NUDT5: variants seen among roughly 807,000 people sequenced by gnomAD.
NUDT5 encodes nudix hydrolase 5.
A neutral mutation model predicts 34.1 loss-of-function variants in NUDT5; 21 were observed. The ratio of observed to expected loss-of-function variants is 0.62; its 90% confidence interval spans 0.44 to 0.89. NUDT5 has a LOEUF of 0.89. NUDT5 is among the 40% of genes least tolerant of loss of function. The probability of loss-of-function intolerance (pLI) is 0.00; values close to 1 mark genes in which losing one functional copy is unlikely to be tolerated. For synonymous variants in NUDT5, 85 were observed against 97.6 expected (o/e 0.87, Z 0.76); for missense variants, 249 against 274.8 (o/e 0.91, Z 0.66).
intron 4 of NUDT5, among the ~76,000 whole-genome samples, chr10:12,178,353 G>A (rs1834989683): frequency 7.0e-6 from 1 of 143,852 alleles, no homozygotes; most frequent in African/African-American, 2.5e-5. Flanking sequence ...CAGTTTTAGG[G>A]TAAAAGACCT....
rs1283838031 is a variant in NUDT5, at chr10:12,175,729, T to TA, written c.290-1917dup. On this transcript the variant is annotated intron_variant, in intron 5 of 9. Coordinates refer to ENST00000491614, the MANE Select transcript of NUDT5 (RefSeq NM_014142.4). The surrounding 1 kb of genome is among the most constrained non-coding windows in gnomAD (Gnocchi z 4.8). ...GGGCAGATCACTTGAGCCAAGGAGT[T>TA]AGAGATCAGCCTGGGCAACATGGCA... 6.6e-6 allele frequency among the ~76,000 whole-genome samples: 1 copy of TA among 151,940 alleles called. No homozygotes were observed. The highest frequency in any genetic ancestry group is 3.4e-3 in the Middle Eastern group (1 of 294).
At chr10:12,194,666 C>T (rs529413654) in intron 1 of NUDT5, among the ~76,000 whole-genome samples, 3 of 152,346 alleles carry the variant, frequency 2.0e-5, no homozygotes, top group African/African-American at 7.2e-5. Context: ...GGAAGAGTTT[C>T]TAACTCAAAA....
chr10:12,172,147 C>T (rs1395091676), intron 7 of NUDT5, among the ~76,000 whole-genome samples: 1 of 152,162 alleles, frequency 6.6e-6, no homozygotes, highest in Non-Finnish European at 1.5e-5. Context: ...ATAAATACCC[C>T]CTTTAAAAGG....
intron 3 of NUDT5, among the ~76,000 whole-genome samples, chr10:12,180,187 A>AAAAAC (rs1835022036): frequency 6.6e-6 from 1 of 152,206 alleles, no homozygotes; most frequent in Non-Finnish European, 1.5e-5. Context: ...TTGCTTTTTA[A>AAAAAC]AAAACAAAAC....
rs1039559664 is a variant in NUDT5, at chr10:12,175,334, A to C, written c.290-1521T>G. Among the ~76,000 whole-genome samples, 8 of 151,634 alleles carry C rather than the reference A, an allele frequency of 5.3e-5. No individual in the cohort carries two copies. The East Asian group carries it at 1.6e-3, about 29-fold the overall frequency. On this transcript the variant is annotated intron_variant, in intron 5 of 9. Transcript: ENST00000491614. This position sits in a 1 kb window ranked among gnomAD's most constrained non-coding sequence, Gnocchi z 4.8. The stretch of plus-strand genomic sequence containing the variant: ...AAACTGCATCTCAAAAAATAAATAA[A>C]TAAAATAAAATAAAATAATGAAAAA...
At chr10:12,194,235 G>T (rs1217276999) in intron 1 of NUDT5, among the ~76,000 whole-genome samples, 1 of 152,196 alleles carries the variant, frequency 6.6e-6, no homozygotes, top group Non-Finnish European at 1.5e-5. Flanking sequence ...CTATGTTCCC[G>T]GGATCTATTC....
intron 1 of NUDT5, among the ~76,000 whole-genome samples, chr10:12,192,944 G>GT (rs58890547): frequency 0.34 from 50,731 of 151,188 alleles, 8,554 homozygotes; most frequent in Non-Finnish European, 0.36. Context: ...TCACTTATGG[G>GT]TTTTTTTTTC....
chr10:12,184,911 T>C lies in NUDT5; in HGVS notation c.109A>G (p.Met37Val), dbSNP rs116493013. ...KWVKLEKTTYMDPTGKTRTWE... is the reference protein window; with the variant it reads ...KWVKLEKTTYVDPTGKTRTWE... ...TACCTAGTTTTACCAGTAGGATCCATGTACGTTGTTTTTTCAAGCTTGACC... is the reference window on the plus strand; with the variant it reads ...TACCTAGTTTTACCAGTAGGATCCACGTACGTTGTTTTTTCAAGCTTGACC... The change falls in exon 3 of 10, where the codon ATG becomes GTG. Residue 37 changes from methionine (M) to valine (V), a missense_variant. Coordinates refer to ENST00000491614, the MANE Select transcript of NUDT5 (RefSeq NM_014142.4). 5.3e-5 allele frequency: 85 copies of C among 1,595,710 alleles called. No homozygotes were observed. The Middle Eastern group carries it at 8.3e-4, about 16-fold the overall frequency.
At chr10:12,186,444 G>T in intron 1 of NUDT5, 112 bp from the exon 2 acceptor site, 1 of 641,846 alleles carries the variant, frequency 1.6e-6, no homozygotes, top group Non-Finnish European at 2.8e-6. Flanking sequence ...TACCATCAAC[G>T]CTGCCTGTCT....
At chr10:12,184,819 T>C (rs891656794) in intron 3 of NUDT5, 70 bp downstream of exon 3, 7 of 880,810 alleles carry the variant, frequency 7.9e-6, no homozygotes, top group Non-Finnish European at 1.1e-5. Context: ...TCAAAGTTTA[T>C]GCAAAACACT....
intron 5 of NUDT5, among the ~76,000 whole-genome samples, chr10:12,176,640 A>G (rs1012074414): frequency 6.6e-6 from 1 of 152,146 alleles, no homozygotes; most frequent in Non-Finnish European, 1.5e-5. Context: ...CTAATAACAA[A>G]TAGATGAGAT....
intron 1 of NUDT5, among the ~76,000 whole-genome samples, chr10:12,194,688 TTGTTTATTATTC>T (rs1835299110): frequency 6.6e-6 from 1 of 152,208 alleles, no homozygotes; most frequent in Non-Finnish European, 1.5e-5. Flanking sequence ...ACGCAGATAA[TTGTTTATTATTC>T]TAAGGAACAC....
At chr10:12,188,728 T>TAAAAA (rs1230471724) in intron 1 of NUDT5, among the ~76,000 whole-genome samples, 3 of 74,690 alleles carry the variant, frequency 4.0e-5, no homozygotes, top group Non-Finnish European at 7.0e-5. Context: ...AGACTCCATC[T>TAAAAA]AAAAAAAAAA....
chr10:12,182,191 G>A lies in NUDT5; in HGVS notation c.131+2698C>T, dbSNP rs1835053926. 6.6e-6 allele frequency among the ~76,000 whole-genome samples: 1 copy of A among 152,038 alleles called. No homozygotes were observed. The highest frequency in any genetic ancestry group is 2.4e-5 in the African/African-American group (1 of 41,402). On this transcript the variant is annotated intron_variant, in intron 3 of 9. Coordinates refer to ENST00000491614, the MANE Select transcript of NUDT5 (RefSeq NM_014142.4). The surrounding 1 kb of genome is among the most constrained non-coding windows in gnomAD (Gnocchi z 4.3). ...TGAAGGGGAGGGTTCCTTTTCCCCT[G>A]GGGGGACACTGAATGTCTGTGTTGT...
intron 5 of NUDT5, 27 bp downstream of exon 5, chr10:12,177,766 G>T (rs766044955): frequency 1.3e-6 from 2 of 1,521,438 alleles, no homozygotes; most frequent in Non-Finnish European, 1.8e-6. Context: ...ACATCCCTAA[G>T]AAGCAATTCG....
chr10:12,171,001 A>G lies in NUDT5; in HGVS notation c.488-93T>C. ...AAGAGGCGTCAAAAAGGCTTTGAGA[A>G]TTTCACAGAAGCCTGGGTTTCTGCT... is the stretch of plus-strand genomic sequence containing the variant. On this transcript the variant is annotated intron_variant, in intron 7 of 9. Transcript: ENST00000491614. This position sits in a 1 kb window ranked among gnomAD's most constrained non-coding sequence, Gnocchi z 4.2. 2.2e-6 allele frequency: 3 copies of G among 1,340,646 alleles called. No individual in the cohort carries two copies. Among genetic ancestry groups the G allele is most frequent in the Non-Finnish European group, 3.1e-6 (3 of 959,736 alleles). The allele number at this position is 1,340,646 out of a possible 1,614,324, so 83.0% of individuals were successfully genotyped here. A position where few individuals can be genotyped will look rare whatever the true frequency, so the allele number is the denominator to read the frequency against.
At position 12,181,837 on chromosome 10, in the gene NUDT5, A is replaced by C. The variant is rs1835047087; in HGVS notation, c.132-2705T>G. Among the ~76,000 whole-genome samples the C allele has an allele frequency of 6.6e-6, 1 of 151,732 alleles. No homozygotes were observed. The highest frequency in any genetic ancestry group is 6.6e-5 in the Admixed American group (1 of 15,254). ...CTACTAAAAAAATAAAAATTAAATA[A>C]ATTTAAAAAAAAAGGATATGGCCGG... On this transcript the variant is annotated intron_variant, in intron 3 of 9. Coordinates refer to ENST00000491614, the MANE Select transcript of NUDT5 (RefSeq NM_014142.4). This position sits in a 1 kb window ranked among gnomAD's most constrained non-coding sequence, Gnocchi z 5.0.
intron 1 of NUDT5, among the ~76,000 whole-genome samples, chr10:12,189,592 T>C (rs1835188666): frequency 6.6e-6 from 1 of 152,218 alleles, no homozygotes; most frequent in African/African-American, 2.4e-5. Flanking sequence ...AGAAAAGGAA[T>C]GTTGTTTTTA....
rs186559564 is a variant in NUDT5 at position 12,171,478 on chromosome 10, C to T, written c.488-570G>A. On this transcript the variant is annotated intron_variant, in intron 7 of 9. Transcript: ENST00000491614. This position sits in a 1 kb window ranked among gnomAD's most constrained non-coding sequence, Gnocchi z 4.2. ...TACCACACTTTGTGGATGCATTCAT[C>T]TGCTGGCAGACACCTGGGTTGTTTC... Among the ~76,000 whole-genome samples, 2 of 152,312 alleles carry T rather than the reference C, an allele frequency of 1.3e-5. No individual in the cohort carries two copies. Among genetic ancestry groups the T allele is most frequent in the African/African-American group, 4.8e-5 (2 of 41,568 alleles).
Sources: allele counts gnomAD v4.1 joint callset (sites outside exome capture counted in the v4.1 genomes callset), GRCh38; gene constraint gnomAD v4.1.1; non-coding constraint Gnocchi (gnomAD v3.1); transcripts MANE v1.5; gene names NCBI Gene and HGNC (gene_info 2026-07-23, HGNC 2026-07-21).